The following SBK1 variants were observed in gnomAD, a reference collection of about 807,000 sequenced individuals.
SBK1 encodes serine/threonine-protein kinase SBK1.
In SBK1, 11 loss-of-function variants were observed where a neutral mutation model predicts 24.4. The observed-to-expected ratio is 0.45, with a 90% CI of 0.28 to 0.75. SBK1 has a LOEUF of 0.75. SBK1 is among the 30% of genes least tolerant of loss of function. SBK1 has a pLI of 0.12. For missense variants in SBK1, 467 were observed against 620.5 expected (o/e 0.75, Z 2.63); for synonymous variants, 308 against 284.4 (o/e 1.08, Z -0.83).
Position 28,317,419 on chromosome 16 carries a change from CCGCCCCGCT to C in SBK1, c.30_38del (p.Pro11_Ser13del). On this transcript the variant is annotated inframe_deletion, in exon 2 of 4. Transcript: ENST00000341901. The surrounding 1 kb of genome is among the most constrained non-coding windows in gnomAD (Gnocchi z 4.2). ...GAGCGTGGGCTGCCCAGAGCCTGAG[CCGCCCCGCT>C]CCCTGACCTGCTGTGGGCCGGGGAC... 6.2e-7 allele frequency: 1 copy of C among 1,613,958 alleles called. No homozygotes were observed. The highest frequency in any genetic ancestry group is 1.3e-5 in the African/African-American group (1 of 75,060).
intron 1 of SBK1, among the ~76,000 whole-genome samples, chr16:28,308,526 G>A (rs1212299515): frequency 2.5e-5 from 3 of 119,580 alleles, no homozygotes; most frequent in East Asian, 5.6e-4. Context: ...AGGCTTAAGC[G>A]ATCCTTTCAC....
Position 28,321,116 on chromosome 16 carries a change from G to T in SBK1, c.*195G>T, listed in dbSNP as rs1032841808. On this transcript the variant is annotated 3_prime_UTR_variant, in exon 4 of 4. Transcript: ENST00000341901. ...CCACCAAAGACCCCTAGCGCGGCCTGGTGAGCGGGGGCTTGGCCCAGAGGA... is the reference window on the plus strand; with the variant it reads ...CCACCAAAGACCCCTAGCGCGGCCTTGTGAGCGGGGGCTTGGCCCAGAGGA... 1.8e-5 allele frequency: 8 copies of T among 442,142 alleles called. No homozygotes were observed. The Admixed American group carries it at 3.5e-4, about 19-fold the overall frequency. The allele number at this position is 442,142 out of a possible 1,614,324, so 27.4% of individuals were successfully genotyped here.
intron 1 of SBK1, among the ~76,000 whole-genome samples, chr16:28,272,168 C>A (rs1416999338): frequency 1.3e-5 from 2 of 152,184 alleles, no homozygotes; most frequent in African/African-American, 4.8e-5. Context: ...CTCCTGGGCT[C>A]AAGCAATCCT....
At position 28,319,432 on chromosome 16, in the gene SBK1, G is replaced by T. The variant is rs2044821787; in HGVS notation, c.429+235G>T. Among the ~76,000 whole-genome samples, 1 of 152,124 alleles carries T rather than the reference G, an allele frequency of 6.6e-6. No individual in the cohort carries two copies. Among genetic ancestry groups the T allele is most frequent in the South Asian group, 2.1e-4 (1 of 4,828 alleles). The stretch of plus-strand genomic sequence containing the variant: ...AACAGATGGAGATGAGTGCCTAAAA[G>T]GAGACAGTGAGAATGATGGGATGAA... On this transcript the variant is annotated intron_variant, in intron 3 of 3. Coordinates refer to ENST00000341901, the MANE Select transcript of SBK1 (RefSeq NM_001024401.3). This position sits in a 1 kb window ranked among gnomAD's most constrained non-coding sequence, Gnocchi z 4.0.
chr16:28,310,737 C>T (rs2044748442), intron 1 of SBK1, among the ~76,000 whole-genome samples: 1 of 152,160 alleles, frequency 6.6e-6, no homozygotes, highest in Non-Finnish European at 1.5e-5. Flanking sequence ...GGATTAAGTG[C>T]ATTAGTCCTG....
intron 1 of SBK1, among the ~76,000 whole-genome samples, chr16:28,274,200 G>A (rs1330406163): frequency 6.6e-6 from 1 of 152,198 alleles, no homozygotes; most frequent in African/African-American, 2.4e-5. Flanking sequence ...CCCCGATGAT[G>A]TAACATATGA....
At chr16:28,299,532 C>T (rs1439359770) in intron 1 of SBK1, among the ~76,000 whole-genome samples, 6 of 152,182 alleles carry the variant, frequency 3.9e-5, no homozygotes, top group Admixed American at 2.0e-4. Context: ...TCCTGCCCCA[C>T]GCTTCCACTT....
intron 1 of SBK1, among the ~76,000 whole-genome samples, chr16:28,271,561 C>T (rs981424334): frequency 6.6e-6 from 1 of 151,744 alleles, no homozygotes; most frequent in African/African-American, 2.4e-5. Flanking sequence ...CGTCCCCCCA[C>T]CCCCAAAAAA....
In SBK1 at chr16:28,317,160, G is replaced by A. The variant is rs989615096; in HGVS notation, c.-7-225G>A. ...GGCAGAGGGGCTGGTGCCACCAAGC[G>A]CAGGGTCTGGCAGTGACTGGTCTTC... On this transcript the variant is annotated intron_variant, in intron 1 of 3. Coordinates refer to ENST00000341901, the MANE Select transcript of SBK1 (RefSeq NM_001024401.3). The surrounding 1 kb of genome is among the most constrained non-coding windows in gnomAD (Gnocchi z 4.2). 4.6e-5 allele frequency among the ~76,000 whole-genome samples: 7 copies of A among 152,086 alleles called. No homozygotes were observed. Among genetic ancestry groups the A allele is most frequent in the East Asian group, 1.9e-4 (1 of 5,172 alleles).
intron 1 of SBK1, among the ~76,000 whole-genome samples, chr16:28,268,146 C>A (rs74330629): frequency 2.2e-4 from 33 of 151,996 alleles, no homozygotes; most frequent in African/African-American, 7.7e-4. Flanking sequence ...TCCTGGAGGT[C>A]CCTCTCCCTG....
intron 1 of SBK1, among the ~76,000 whole-genome samples, chr16:28,273,421 A>G (rs2141562961): frequency 6.6e-6 from 1 of 152,068 alleles, no homozygotes; most frequent in East Asian, 1.9e-4. Flanking sequence ...GGGTTTCACC[A>G]TTTTGGCCAG....
At chr16:28,303,457 C>G (rs1354003317) in intron 1 of SBK1, among the ~76,000 whole-genome samples, 6 of 150,156 alleles carry the variant, frequency 4.0e-5, no homozygotes. Context: ...AATGAGAAAC[C>G]TGTTCTTACT....
At position 28,317,708 on chromosome 16, in the gene SBK1, G is replaced by A. The variant is rs560624386; in HGVS notation, c.226+91G>A. 66 of 868,442 alleles carry A rather than the reference G, an allele frequency of 7.6e-5. No homozygotes were observed. Among genetic ancestry groups the A allele is most frequent in the South Asian group, 1.2e-4 (8 of 65,210 alleles). 53.8% of individuals were successfully genotyped at this position (868,442 alleles called of 1,614,324 possible). A position where few individuals can be genotyped will look rare whatever the true frequency, so the allele number is the denominator to read the frequency against. On this transcript the variant is annotated intron_variant, in intron 2 of 3. Coordinates refer to ENST00000341901, the MANE Select transcript of SBK1 (RefSeq NM_001024401.3). This position sits in a 1 kb window ranked among gnomAD's most constrained non-coding sequence, Gnocchi z 4.2. ...GGGGACATGACCTTGCAGCTGGGCC[G>A]GGGCTCTCTGGTGCTCTGTGGAAGC...
intron 1 of SBK1, among the ~76,000 whole-genome samples, chr16:28,304,608 G>GT (rs1244459656): frequency 2.0e-5 from 3 of 151,892 alleles, no homozygotes; most frequent in African/African-American, 7.3e-5. Flanking sequence ...TTGTTTGTTT[G>GT]TTTTTTTGTT....
chr16:28,301,870 C>T (rs577856667), intron 1 of SBK1, among the ~76,000 whole-genome samples: 1 of 152,280 alleles, frequency 6.6e-6, no homozygotes, highest in Admixed American at 6.5e-5. Context: ...CACAAACTGC[C>T]CAAGGTCACA....
upstream of SBK1, chr16:28,292,243 C>G (rs2044603907): frequency 8.8e-6 from 1 of 113,802 alleles, no homozygotes; most frequent in Non-Finnish European, 1.7e-5. Flanking sequence ...TGGGCTCTGA[C>G]CTAGAAAAGG....
chr16:28,298,087 G>A (rs1335337499), intron 1 of SBK1, among the ~76,000 whole-genome samples: 13 of 152,204 alleles, frequency 8.5e-5, no homozygotes, highest in Admixed American at 8.5e-4. Context: ...CCAGGCCAAA[G>A]TATTCCCCAA....
intron 1 of SBK1, among the ~76,000 whole-genome samples, chr16:28,284,409 C>T (rs1476034055): frequency 6.6e-6 from 1 of 152,224 alleles, no homozygotes; most frequent in Non-Finnish European, 1.5e-5. Context: ...CCCCTGCTCC[C>T]CCAGCACACA....
At chr16:28,288,286 C>T (rs955285442), upstream of SBK1, among the ~76,000 whole-genome samples, 2 of 152,156 alleles carry the variant, frequency 1.3e-5, no homozygotes, top group Admixed American at 6.5e-5. Context: ...GGGAAGCAAA[C>T]CAGAGCCTTC....
Sources: gnomAD v4.1 joint callset for allele counts (sites outside exome capture counted in the v4.1 genomes callset) on GRCh38, gnomAD v4.1.1 for gene constraint, Gnocchi (gnomAD v3.1) non-coding constraint, MANE v1.5 for transcripts, NCBI Gene and HGNC (gene_info 2026-07-23, HGNC 2026-07-21) for gene names.